The following LTN1 variants were observed in gnomAD, a reference collection of about 807,000 sequenced individuals.
LTN1 encodes listerin E3 ubiquitin protein ligase 1, also known as E3 ubiquitin-protein ligase listerin.
Under a neutral mutation model 201.2 loss-of-function variants are expected in LTN1, and 88 were observed. That is an observed-to-expected ratio of 0.44 (90% CI 0.37 to 0.52). The LOEUF (loss-of-function observed/expected upper bound fraction) is 0.52. Among genes scored for constraint, LTN1 ranks in the 20% least tolerant of loss-of-function variants. The pLI is 0.00. For synonymous variants in LTN1, 645 were observed against 713.5 expected, an observed-to-expected ratio of 0.90 and a Z score of 1.53; for missense variants, 1,752 against 2,038.7, an observed-to-expected ratio of 0.86 and a Z score of 2.71.
intron 10 of LTN1, 44 bp from the exon 11 acceptor site, chr21:28,965,950 T>C (rs2084518392): frequency 1.6e-6 from 2 of 1,281,246 alleles, no homozygotes; most frequent in African/African-American, 4.6e-5. Flanking sequence ...TAGAACAACT[T>C]TTTGTTTGAG....
In LTN1 at chr21:28,963,553, G is replaced by A. The variant is rs142081189; in HGVS notation, c.2163+2312C>T. 2.1e-3 allele frequency among the ~76,000 whole-genome samples: 322 copies of A among 152,308 alleles called. 2 individuals are homozygous for A. The highest frequency in any genetic ancestry group is 6.7e-3 in the African/African-American group (280 of 41,566). ...TACTACTCATTGACAATGCACCTGG[G>A]TAACCCAAGACCTCTGATGGAGATG... On this transcript the variant is annotated intron_variant, in intron 11 of 29. Coordinates refer to ENST00000361371, the MANE Select transcript of LTN1 (RefSeq NM_015565.3).
chr21:28,952,725 C>T (rs571273581), intron 17 of LTN1, among the ~76,000 whole-genome samples: 16 of 152,294 alleles, frequency 1.1e-4, no homozygotes, highest in East Asian at 1.9e-4. Flanking sequence ...AAAATACTAT[C>T]GGCAAGTGAT....
chr21:28,956,405 A>T (rs1415308735), intron 16 of LTN1, among the ~76,000 whole-genome samples: 12 of 151,588 alleles, frequency 7.9e-5, no homozygotes, highest in Admixed American at 7.9e-4. Flanking sequence ...TCAGGTATCA[A>T]TTTTTTTTTA....
At chr21:28,931,126 T>C in intron 29 of LTN1, 29 bp downstream of exon 29, 1 of 1,467,130 alleles carries the variant, frequency 6.8e-7, no homozygotes, top group South Asian at 1.2e-5. Context: ...ACATAAAATA[T>C]AAGTAAGTTA....
intron 27 of LTN1, among the ~76,000 whole-genome samples, chr21:28,934,538 G>A (rs1463920128): frequency 1.3e-5 from 2 of 152,140 alleles, no homozygotes; most frequent in Non-Finnish European, 2.9e-5. Flanking sequence ...GCCATGTGAA[G>A]TGCTGACTCC....
At position 28,944,511 on chromosome 21, in the gene LTN1, C is replaced by T. The variant is rs745949514; in HGVS notation, c.3854G>A (p.Ser1285Asn). 15 of 1,613,884 alleles carry T rather than the reference C, an allele frequency of 9.3e-6. No individual in the cohort carries two copies. The South Asian group carries it at 1.6e-4, about 18-fold the overall frequency. Reference sequence around the variant, plus strand: ...CAGAGTTGTGGAATCAAAGAAAGCACTGAGGTCACAGGCCAAATCACAGCT... The same window carrying T: ...CAGAGTTGTGGAATCAAAGAAAGCATTGAGGTCACAGGCCAAATCACAGCT... ...CVSCDLACDL[S>N]AFFDSTTLDT... The change falls in exon 22 of 30, where the codon AGT (serine) becomes AAT (asparagine). Residue 1285 changes from serine (S) to asparagine (N), a missense_variant. Physicochemically the swap from Ser to Asn is conservative, Grantham distance 46. Coordinates refer to ENST00000361371, the MANE Select transcript of LTN1 (RefSeq NM_015565.3).
chr21:28,992,858 G>T lies in LTN1; in HGVS notation c.-53C>A, dbSNP rs759686233. 1 of 1,613,894 alleles carries T rather than the reference G, an allele frequency of 6.2e-7. No homozygotes were observed. The highest frequency in any genetic ancestry group is 8.5e-7 in the Non-Finnish European group (1 of 1,179,942). On this transcript the variant is annotated 5_prime_UTR_variant, in exon 1 of 30. Coordinates refer to ENST00000361371, the MANE Select transcript of LTN1 (RefSeq NM_015565.3). ...ACTCAGACCCCGGTTGACACGTCCG[G>T]GACACAACTTCCGGCTTCTGGCGGC...
At chr21:28,960,064 C>T (rs1601188918) in intron 12 of LTN1, among the ~76,000 whole-genome samples, 1 of 151,912 alleles carries the variant, frequency 6.6e-6, no homozygotes, top group Admixed American at 6.6e-5. Context: ...AGGGTGCTTA[C>T]AATATTACGA....
chr21:28,987,971 A>G (rs1398826326), intron 1 of LTN1, among the ~76,000 whole-genome samples: 3 of 151,774 alleles, frequency 2.0e-5, no homozygotes, highest in Non-Finnish European at 4.4e-5. Context: ...GTGAAACCCC[A>G]TCTCTACCAA....
chr21:28,992,863 C>G lies in LTN1; in HGVS notation c.-58G>C. On this transcript the variant is annotated 5_prime_UTR_variant, in exon 1 of 30. Transcript: ENST00000361371. Reference sequence around the variant, plus strand: ...GACCCCGGTTGACACGTCCGGGACACAACTTCCGGCTTCTGGCGGCGGAAG... The same window carrying G: ...GACCCCGGTTGACACGTCCGGGACAGAACTTCCGGCTTCTGGCGGCGGAAG... The G allele has an allele frequency of 6.2e-7, 1 of 1,613,762 alleles. No homozygotes were observed. Among genetic ancestry groups the G allele is most frequent in the East Asian group, 2.2e-5 (1 of 44,870 alleles).
At chr21:28,930,859 A>C (rs1477483752) in intron 29 of LTN1, among the ~76,000 whole-genome samples, 1 of 152,188 alleles carries the variant, frequency 6.6e-6, no homozygotes, top group African/African-American at 2.4e-5. Context: ...ACTCTCCTTC[A>C]TGGTCTAGAT....
At chr21:28,975,166 C>T (rs1043926956) in intron 6 of LTN1, among the ~76,000 whole-genome samples, 1 of 151,942 alleles carries the variant, frequency 6.6e-6, no homozygotes, top group Admixed American at 6.6e-5. Flanking sequence ...CGTTATCAGA[C>T]ATGGATTTTA....
intron 18 of LTN1, among the ~76,000 whole-genome samples, chr21:28,949,713 A>C (rs2084368096): frequency 6.6e-6 from 1 of 152,208 alleles, no homozygotes; most frequent in Admixed American, 6.5e-5. Flanking sequence ...TTATATGGTT[A>C]TACCACACTT....
chr21:28,930,337 C>A lies in LTN1; in HGVS notation c.*111G>T. On this transcript the variant is annotated 3_prime_UTR_variant, in exon 30 of 30. Transcript: ENST00000361371. Reference sequence around the variant, plus strand: ...ACCAAAATAATTTTCCAGAGAAGGTCCTATTTAAAAGTAATGCTCACTGGC... The same window carrying A: ...ACCAAAATAATTTTCCAGAGAAGGTACTATTTAAAAGTAATGCTCACTGGC... 1.5e-6 allele frequency: 1 copy of A among 665,754 alleles called. No homozygotes were observed. Among genetic ancestry groups the A allele is most frequent in the Non-Finnish European group, 2.6e-6 (1 of 389,892 alleles). 41.2% of individuals were successfully genotyped at this position (665,754 alleles called of 1,614,324 possible).
Position 28,982,386 on chromosome 21 carries a change from A to G in LTN1, c.577-18T>C, listed in dbSNP as rs1036878701. The G allele has an allele frequency of 6.2e-7, 1 of 1,604,842 alleles. No individual in the cohort carries two copies. Among genetic ancestry groups the G allele is most frequent in the East Asian group, 2.2e-5 (1 of 44,800 alleles). On this transcript the variant is annotated intron_variant, in intron 4 of 29. Coordinates refer to ENST00000361371, the MANE Select transcript of LTN1 (RefSeq NM_015565.3). Reference sequence around the variant, plus strand: ...TGCAGCACCTACAAAGGGGGGAAATACCAAAGCCTTTGGTTTTACTGAACT... The same window carrying G: ...TGCAGCACCTACAAAGGGGGGAAATGCCAAAGCCTTTGGTTTTACTGAACT...
Position 28,992,832 on chromosome 21 carries a change from C to A in LTN1, c.-27G>T. 1.2e-6 allele frequency: 2 copies of A among 1,614,222 alleles called. No homozygotes were observed. Among genetic ancestry groups the A allele is most frequent in the Non-Finnish European group, 1.7e-6 (2 of 1,180,034 alleles). On this transcript the variant is annotated 5_prime_UTR_variant, in exon 1 of 30. Transcript: ENST00000361371. ...GTCGCGGTTGCAGCTGTACTCTGAG[C>A]ACTCAGACCCCGGTTGACACGTCCG...
rs559483768 is a variant in LTN1, at chr21:28,944,371, T to G, written c.3982+12A>C. The G allele has an allele frequency of 9.4e-6, 15 of 1,593,192 alleles. 1 individual carries two copies. The South Asian group carries it at 1.5e-4, about 16-fold the overall frequency. On this transcript the variant is annotated intron_variant, in intron 22 of 29. Transcript: ENST00000361371. ...ATGAATCAATCTCACTATTATTCCC[T>G]TTTTCACTTGCCTGTAACAGTCACC...
intron 16 of LTN1, 31 bp from the exon 17 acceptor site, chr21:28,953,407 A>T (rs1296421175): frequency 6.5e-7 from 1 of 1,535,802 alleles, no homozygotes; most frequent in Non-Finnish European, 8.8e-7. Flanking sequence ...AAATTATGAA[A>T]AGCACTCTGT....
chr21:28,931,536 T>A (rs973130576), intron 28 of LTN1, among the ~76,000 whole-genome samples: 10 of 152,236 alleles, frequency 6.6e-5, no homozygotes, highest in Admixed American at 5.9e-4. Context: ...AGACATACTT[T>A]AAAGGCTTCT....
Sources: allele counts gnomAD v4.1 joint callset (sites outside exome capture counted in the v4.1 genomes callset), GRCh38; gene constraint gnomAD v4.1.1; transcripts MANE v1.5; gene names NCBI Gene and HGNC (gene_info 2026-07-23, HGNC 2026-07-21).